ZC2HC1B: variants seen among roughly 807,000 people sequenced by gnomAD.
The protein encoded by ZC2HC1B is zinc finger C2HC-type containing 1B, also known as zinc finger C2HC domain-containing protein 1B.
In ZC2HC1B, 36 loss-of-function variants were observed where a neutral mutation model predicts 31.0. That is an observed-to-expected ratio of 1.16 (90% CI 0.89 to 1.54). ZC2HC1B has a LOEUF of 1.54. Among genes scored for constraint, ZC2HC1B ranks in the 40% most tolerant of loss-of-function variants. The pLI, the probability that ZC2HC1B is intolerant of heterozygous loss-of-function variation, is 0.00. For synonymous variants in ZC2HC1B, 73 were observed against 88.0 expected (o/e 0.83, Z 0.95); for missense variants, 260 against 268.6 (o/e 0.97, Z 0.22).
intron 4 of ZC2HC1B, among the ~76,000 whole-genome samples, chr6:143,889,020 T>C (rs1172397018): frequency 6.6e-6 from 1 of 152,022 alleles, no homozygotes; most frequent in Non-Finnish European, 1.5e-5. Context: ...TTTTAAAGCA[T>C]AAATAATAGC....
At chr6:143,875,293 C>A (rs532995238) in intron 1 of ZC2HC1B, among the ~76,000 whole-genome samples, 1 of 152,258 alleles carries the variant, frequency 6.6e-6, no homozygotes, top group East Asian at 1.9e-4. Context: ...ATTTTCTGGA[C>A]CCTCCCTGAT....
In ZC2HC1B at chr6:143,903,242, C is replaced by G; in HGVS notation, c.598+90C>G. ...GGGATTCACTGGTAGTCTGCAAAAG[C>G]TCTAAGACATTCACTGTTGCTTTTG... On this transcript the variant is annotated intron_variant, in intron 6 of 7. Coordinates refer to ENST00000237275, the MANE Select transcript of ZC2HC1B (RefSeq NM_001013623.3). This position sits in a 1 kb window ranked among gnomAD's most constrained non-coding sequence, Gnocchi z 4.3. 8.7e-7 allele frequency: 1 copy of G among 1,150,434 alleles called. No homozygotes were observed. The highest frequency in any genetic ancestry group is 2.1e-5 in the Admixed American group (1 of 48,170). The allele number at this position is 1,150,434 out of a possible 1,614,324, so 71.3% of individuals were successfully genotyped here. A position where few individuals can be genotyped will look rare whatever the true frequency, so the allele number is the denominator to read the frequency against.
chr6:143,903,202 A>G lies in ZC2HC1B; in HGVS notation c.598+50A>G. 6.7e-7 allele frequency: 1 copy of G among 1,494,888 alleles called. No individual in the cohort carries two copies. Among genetic ancestry groups the G allele is most frequent in the Non-Finnish European group, 9.1e-7 (1 of 1,095,432 alleles). The allele number at this position is 1,494,888 out of a possible 1,614,324, so 92.6% of individuals were successfully genotyped here. On this transcript the variant is annotated intron_variant, in intron 6 of 7. Transcript: ENST00000237275. This position sits in a 1 kb window ranked among gnomAD's most constrained non-coding sequence, Gnocchi z 4.3. ...TCTCAAATGATGGGGGTCAGAGGAG[A>G]TCACTGTTGGGTTTGGGATTCACTG...
intron 4 of ZC2HC1B, among the ~76,000 whole-genome samples, chr6:143,896,463 C>T (rs1777667537): frequency 3.3e-5 from 5 of 152,172 alleles, no homozygotes; most frequent in Admixed American, 3.3e-4. Flanking sequence ...CTAGATGGTT[C>T]TTCTAAACCA....
chr6:143,883,630 A>T lies in ZC2HC1B; in HGVS notation c.29-674A>T, dbSNP rs1777496206. On this transcript the variant is annotated intron_variant, in intron 1 of 7. Coordinates refer to ENST00000237275, the MANE Select transcript of ZC2HC1B (RefSeq NM_001013623.3). This position sits in a 1 kb window ranked among gnomAD's most constrained non-coding sequence, Gnocchi z 4.1. ...TCCTGATGAACCAAAAGGAAGTAATACAAAAAACCTTTTTTCAGAATTTCA... is the reference window on the plus strand; with the variant it reads ...TCCTGATGAACCAAAAGGAAGTAATTCAAAAAACCTTTTTTCAGAATTTCA... Among the ~76,000 whole-genome samples the T allele has an allele frequency of 6.6e-6, 1 of 152,232 alleles. No homozygotes were observed. Among genetic ancestry groups the T allele is most frequent in the South Asian group, 2.1e-4 (1 of 4,834 alleles).
In ZC2HC1B at chr6:143,926,206, A is replaced by T. The variant is rs550741445; in HGVS notation, c.599-11443A>T. 1.9e-4 allele frequency among the ~76,000 whole-genome samples: 29 copies of T among 152,134 alleles called. No homozygotes were observed. The East Asian group carries it at 5.4e-3, about 28-fold the overall frequency. On this transcript the variant is annotated intron_variant, in intron 6 of 7. Coordinates refer to ENST00000237275, the MANE Select transcript of ZC2HC1B (RefSeq NM_001013623.3). ...TTGCTTTTCTAGTTATTGAGGGGGC[A>T]TCCTTAGCTTGATTATTTGAAATGT...
At chr6:143,906,156 G>A (rs1259751079) in intron 6 of ZC2HC1B, among the ~76,000 whole-genome samples, 3 of 152,032 alleles carry the variant, frequency 2.0e-5, no homozygotes, top group Admixed American at 2.0e-4. Flanking sequence ...GAAGCCCTCA[G>A]GTCCGGAGCA....
chr6:143,865,422 T>A lies in ZC2HC1B; in HGVS notation c.28+855T>A, dbSNP rs1193739647. Reference sequence around the variant, plus strand: ...CACTGCAGACAGACCTTCCTCATGGTTGGTGCTCAGCTGTAACCTTCACTA... The same window carrying A: ...CACTGCAGACAGACCTTCCTCATGGATGGTGCTCAGCTGTAACCTTCACTA... On this transcript the variant is annotated intron_variant, in intron 1 of 7. Transcript: ENST00000237275. The surrounding 1 kb of genome is among the most constrained non-coding windows in gnomAD (Gnocchi z 4.4). Among the ~76,000 whole-genome samples the A allele has an allele frequency of 6.6e-6, 1 of 152,204 alleles. No homozygotes were observed. The highest frequency in any genetic ancestry group is 1.5e-5 in the Non-Finnish European group (1 of 68,038).
intron 4 of ZC2HC1B, among the ~76,000 whole-genome samples, chr6:143,893,056 G>A (rs1777619414): frequency 6.6e-6 from 1 of 151,778 alleles, no homozygotes; most frequent in Admixed American, 6.6e-5. Flanking sequence ...TTCATAATTT[G>A]TATATCTGAC....
rs867146434 is a variant in ZC2HC1B, at chr6:143,908,886, C to T, written c.598+5734C>T. 2.0e-4 allele frequency among the ~76,000 whole-genome samples: 31 copies of T among 152,164 alleles called. No individual in the cohort carries two copies. Among genetic ancestry groups the T allele is most frequent in the Admixed American group, 1.1e-3 (17 of 15,266 alleles). ...CAAGGGGAAATCTTCCAGCTTTTGC[C>T]GAATCAGTATGATATTGGCTGTGGG... On this transcript the variant is annotated intron_variant, in intron 6 of 7. Transcript: ENST00000237275. This position sits in a 1 kb window ranked among gnomAD's most constrained non-coding sequence, Gnocchi z 4.4.
In ZC2HC1B at chr6:143,923,154, CCTT is replaced by C. The variant is rs1272530249; in HGVS notation, c.599-14494_599-14492del. Among the ~76,000 whole-genome samples the C allele has an allele frequency of 6.6e-6, 1 of 151,716 alleles. No individual in the cohort carries two copies. The highest frequency in any genetic ancestry group is 6.6e-5 in the Admixed American group (1 of 15,232). On this transcript the variant is annotated intron_variant, in intron 6 of 7. Coordinates refer to ENST00000237275, the MANE Select transcript of ZC2HC1B (RefSeq NM_001013623.3). This position sits in a 1 kb window ranked among gnomAD's most constrained non-coding sequence, Gnocchi z 4.8. ...ATATACCTGTTGTCCATTTTTAAGT[CCTT>C]TTTTTTTTCCCTGTAACCAGGGGTG...
rs1356687852 is a variant in ZC2HC1B, at chr6:143,865,315, G to A, written c.28+748G>A. 1.3e-5 allele frequency among the ~76,000 whole-genome samples: 2 copies of A among 152,178 alleles called. No individual in the cohort carries two copies. Among genetic ancestry groups the A allele is most frequent in the Non-Finnish European group, 1.5e-5 (1 of 68,028 alleles). Reference sequence around the variant, plus strand: ...TCTGAGGAGGCAGGATAGGTGCAGCGAAATGTAACTGGCAATACTATCGTG... The same window carrying A: ...TCTGAGGAGGCAGGATAGGTGCAGCAAAATGTAACTGGCAATACTATCGTG... On this transcript the variant is annotated intron_variant, in intron 1 of 7. Coordinates refer to ENST00000237275, the MANE Select transcript of ZC2HC1B (RefSeq NM_001013623.3). The surrounding 1 kb of genome is among the most constrained non-coding windows in gnomAD (Gnocchi z 4.4).
At chr6:143,935,231 AAGCTGACCACAGGCAGGGTG>A (rs949528314) in intron 6 of ZC2HC1B, among the ~76,000 whole-genome samples, 23 of 152,196 alleles carry the variant, frequency 1.5e-4, no homozygotes, top group South Asian at 4.2e-4. Flanking sequence ...GGGTGGGTAG[AAGCTGACCACAGGCAGGGTG>A]AGCTGACCAC....
At chr6:143,875,962 A>G (rs900449781) in intron 1 of ZC2HC1B, among the ~76,000 whole-genome samples, 1 of 150,678 alleles carries the variant, frequency 6.6e-6, no homozygotes, top group Non-Finnish European at 1.5e-5. Context: ...CAGTGTCCCC[A>G]GCTTCATCAG....
intron 4 of ZC2HC1B, among the ~76,000 whole-genome samples, chr6:143,891,422 C>T (rs544430453): frequency 6.6e-6 from 1 of 151,414 alleles, no homozygotes; most frequent in South Asian, 2.1e-4. Flanking sequence ...ACTAGCTGGC[C>T]AGGCGTGGTG....
rs1161626541 is a variant in ZC2HC1B, at chr6:143,870,485, C to T, written c.28+5918C>T. Among the ~76,000 whole-genome samples the T allele has an allele frequency of 2.0e-5, 3 of 152,136 alleles. No individual in the cohort carries two copies. The highest frequency in any genetic ancestry group is 4.4e-5 in the Non-Finnish European group (3 of 68,022). On this transcript the variant is annotated intron_variant, in intron 1 of 7. Transcript: ENST00000237275. The surrounding 1 kb of genome is among the most constrained non-coding windows in gnomAD (Gnocchi z 4.7). ...GCATTTGAGCCACTTCCTCATGTAA[C>T]TTACTTGTGCCTTTAGGACCTGCTT...
intron 6 of ZC2HC1B, among the ~76,000 whole-genome samples, chr6:143,926,879 C>T (rs1164701609): frequency 1.4e-5 from 2 of 142,152 alleles, no homozygotes; most frequent in African/African-American, 2.7e-5. Flanking sequence ...CTCTGTCGCC[C>T]AGGCCGCTGC....
intron 1 of ZC2HC1B, among the ~76,000 whole-genome samples, chr6:143,877,280 T>C (rs1363053145): frequency 8.7e-6 from 1 of 115,594 alleles, no homozygotes; most frequent in Admixed American, 9.1e-5. Context: ...TTCTTTTTTT[T>C]TTTTTTTTTT....
intron 6 of ZC2HC1B, among the ~76,000 whole-genome samples, chr6:143,912,541 T>A (rs1442554062): frequency 6.6e-6 from 1 of 152,192 alleles, no homozygotes; most frequent in Non-Finnish European, 1.5e-5. Context: ...CTCTAAACCT[T>A]AGTTTTCTTG....
Sources: allele counts gnomAD v4.1 joint callset (sites outside exome capture counted in the v4.1 genomes callset), GRCh38; gene constraint gnomAD v4.1.1; non-coding constraint Gnocchi (gnomAD v3.1); transcripts MANE v1.5; gene names NCBI Gene and HGNC (gene_info 2026-07-23, HGNC 2026-07-21).